ROBO2: variants seen among roughly 807,000 people sequenced by gnomAD.
ROBO2 encodes roundabout homolog 2.
A neutral mutation model predicts 160.8 loss-of-function variants in ROBO2; 53 were observed. The ratio of observed to expected loss-of-function variants is 0.33; its 90% confidence interval spans 0.26 to 0.41. ROBO2 has a LOEUF of 0.41. Ranked by LOEUF, ROBO2 falls within the 10% of genes least tolerant of loss-of-function variation. ROBO2 has a pLI of 1.00. For missense variants in ROBO2, 1,577 were observed against 1,722.4 expected (o/e 0.92, Z 1.49); for synonymous variants, 664 against 611.7 (o/e 1.09, Z -1.26).
At chr3:76,921,977 CCTTT>C (rs1358224776) in intron 2 of ROBO2, among the ~76,000 whole-genome samples, 3 of 151,928 alleles carry the variant, frequency 2.0e-5, no homozygotes, top group Admixed American at 6.6e-5. Flanking sequence ...GTGTGAGATG[CCTTT>C]CTATGAACAG....
At chr3:76,277,737 T>C (rs1173454913) in intron 2 of ROBO2, among the ~76,000 whole-genome samples, 1 of 151,896 alleles carries the variant, frequency 6.6e-6, no homozygotes, top group Non-Finnish European at 1.5e-5. Context: ...AATCAAATAA[T>C]GAATGCCTGA....
chr3:77,527,712 T>C (rs1022585406), intron 6 of ROBO2, among the ~76,000 whole-genome samples: 2 of 151,560 alleles, frequency 1.3e-5, no homozygotes, highest in African/African-American at 2.4e-5. Context: ...TGTATTAGGA[T>C]ACAATAAGAA....
chr3:77,179,810 T>G (rs1361591456), intron 2 of ROBO2, among the ~76,000 whole-genome samples: 1 of 152,130 alleles, frequency 6.6e-6, no homozygotes, highest in Admixed American at 6.6e-5. Flanking sequence ...AAGAAGAGAT[T>G]TTAAACAACT....
intron 2 of ROBO2, among the ~76,000 whole-genome samples, chr3:76,742,718 G>A (rs1308627873): frequency 6.6e-6 from 1 of 151,748 alleles, no homozygotes; most frequent in Non-Finnish European, 1.5e-5. Flanking sequence ...GATAAATAAG[G>A]ACTTAACACC....
chr3:77,163,670 C>T (rs1377881848), intron 2 of ROBO2, among the ~76,000 whole-genome samples: 1 of 152,178 alleles, frequency 6.6e-6, no homozygotes, highest in Non-Finnish European at 1.5e-5. Flanking sequence ...GTTTTCTCAA[C>T]CTGACTGACA....
At chr3:77,144,354 G>A (rs1193511811) in intron 2 of ROBO2, among the ~76,000 whole-genome samples, 5 of 152,034 alleles carry the variant, frequency 3.3e-5, no homozygotes, top group African/African-American at 4.8e-5. Flanking sequence ...GGCAGACAGC[G>A]GTCCCATATT....
chr3:76,372,493 C>T (rs563418027), intron 2 of ROBO2, among the ~76,000 whole-genome samples: 148 of 152,004 alleles, frequency 9.7e-4, no homozygotes, highest in African/African-American at 3.1e-3. Context: ...AAATATTTGA[C>T]GTCTCCAACT....
intron 2 of ROBO2, among the ~76,000 whole-genome samples, chr3:77,348,560 C>G (rs1450442253): frequency 6.6e-6 from 1 of 152,106 alleles, no homozygotes; most frequent in Non-Finnish European, 1.5e-5. Flanking sequence ...GAATACAGCC[C>G]GGTAAGTTTC....
At chr3:76,171,829 C>A (rs747111680) in intron 2 of ROBO2, among the ~76,000 whole-genome samples, 2 of 151,762 alleles carry the variant, frequency 1.3e-5, no homozygotes, top group Non-Finnish European at 2.9e-5. Flanking sequence ...TATTTTTGGC[C>A]GATGACTCAG....
At chr3:76,539,460 C>G (rs1034259396) in intron 2 of ROBO2, among the ~76,000 whole-genome samples, 2 of 151,814 alleles carry the variant, frequency 1.3e-5, no homozygotes, top group Non-Finnish European at 2.9e-5. Context: ...ATAAACAAAT[C>G]AAATGGCATC....
intron 2 of ROBO2, among the ~76,000 whole-genome samples, chr3:76,775,007 A>T (rs935192799): frequency 1.3e-5 from 2 of 150,728 alleles, no homozygotes; most frequent in African/African-American, 4.8e-5. Flanking sequence ...TCAAGATTAA[A>T]TTTATACAAC....
chr3:77,317,501 C>G, intron 2 of ROBO2: 1 of 1,474,660 alleles, frequency 6.8e-7, no homozygotes. Context: ...CCGATCCATC[C>G]TCAGATTTCG....
intron 2 of ROBO2, among the ~76,000 whole-genome samples, chr3:77,214,426 T>A (rs888732872): frequency 1.3e-5 from 2 of 152,192 alleles, no homozygotes; most frequent in Non-Finnish European, 2.9e-5. Flanking sequence ...GTTTTCCATT[T>A]GCTTGGTGGA....
At chr3:76,542,056 A>T (rs889847096) in intron 2 of ROBO2, among the ~76,000 whole-genome samples, 31 of 151,922 alleles carry the variant, frequency 2.0e-4, no homozygotes, top group Non-Finnish European at 4.3e-4. Context: ...GCAGTACTTC[A>T]TCCCCATTTG....
intron 2 of ROBO2, among the ~76,000 whole-genome samples, chr3:76,297,664 A>G (rs1371066300): frequency 6.6e-6 from 1 of 151,620 alleles, no homozygotes; most frequent in Non-Finnish European, 1.5e-5. Flanking sequence ...TCAAGAAAAA[A>G]AAAAGATCAA....
intron 2 of ROBO2, among the ~76,000 whole-genome samples, chr3:76,363,050 C>A (rs1013263785): frequency 9.2e-5 from 14 of 151,926 alleles, no homozygotes; most frequent in Non-Finnish European, 1.8e-4. Flanking sequence ...ATATCCTTGA[C>A]CTTGTCTGGT....
Position 77,585,484 on chromosome 3 carries a change from T to C in ROBO2, c.2501-3267T>C, listed in dbSNP as rs116188895. Among the ~76,000 whole-genome samples the C allele has an allele frequency of 4.8e-3, 738 of 152,206 alleles. 1 individual carries two copies. Among genetic ancestry groups the C allele is most frequent in the East Asian group, 0.024 (127 of 5,188 alleles). ...TTTTAATTTACTATTTAGCATTTCA[T>C]ACAAGTGTTTTCACATTTTTCTATG... On this transcript the variant is annotated intron_variant, in intron 16 of 25. Coordinates refer to ENST00000461745, the Ensembl canonical transcript of ROBO2.
chr3:76,194,350 G>GTGTATATATATATATATA (rs759087780), intron 2 of ROBO2, among the ~76,000 whole-genome samples: 7 of 42,040 alleles, frequency 1.7e-4, no homozygotes, highest in Non-Finnish European at 4.9e-4. Context: ...TGTATGGTGT[G>GTGTATATATATATATATA]TAAATATATA....
rs977549179 is a variant in ROBO2 at position 77,382,513 on chromosome 3, T to C, written c.389-94901T>C. Among the ~76,000 whole-genome samples, 45 of 152,226 alleles carry C rather than the reference T, an allele frequency of 3.0e-4. 1 individual carries two copies. The highest frequency in any genetic ancestry group is 9.6e-4 in the African/African-American group (40 of 41,538). On this transcript the variant is annotated intron_variant, in intron 2 of 25. Coordinates refer to ENST00000461745, the Ensembl canonical transcript of ROBO2. ...TCCTGAGATTTTAGAGCACCTGTCA[T>C]CTGAGTAGTGTACGTTGAACCCAGT... is the stretch of plus-strand genomic sequence containing the variant.
Sources: gnomAD v4.1 joint callset for allele counts (sites outside exome capture counted in the v4.1 genomes callset) on GRCh38, gnomAD v4.1.1 for gene constraint, MANE v1.5 for transcripts, NCBI Gene and HGNC (gene_info 2026-07-23, HGNC 2026-07-21) for gene names.